The following ACTN2 variants were observed in gnomAD, a reference collection of about 807,000 sequenced individuals.
ACTN2 encodes alpha-actinin-2.
In ACTN2, 39 loss-of-function variants were observed where a neutral mutation model predicts 113.8. That is an observed-to-expected ratio of 0.34 (90% CI 0.27 to 0.45). The LOEUF (loss-of-function observed/expected upper bound fraction) is 0.45. Among genes scored for constraint, ACTN2 ranks in the 20% least tolerant of loss-of-function variants. The pLI, the probability that ACTN2 is intolerant of heterozygous loss-of-function variation, is 1.00. For missense variants in ACTN2, 992 were observed against 1,177.9 expected (o/e 0.84, Z 2.31); for synonymous variants, 429 against 444.1 (o/e 0.97, Z 0.43).
At chr1:236,712,785 G>A (rs7516579) in intron 1 of ACTN2, among the ~76,000 whole-genome samples, 90,028 of 152,044 alleles carry the variant, frequency 0.59, 27,271 homozygotes, top group Non-Finnish European at 0.66. Context: ...TCTGATGCCT[G>A]TATTATGAAG....
At chr1:236,747,579 C>A in intron 12 of ACTN2, 88 bp from the exon 13 acceptor site, 1 of 1,193,118 alleles carries the variant, frequency 8.4e-7, no homozygotes, top group Non-Finnish European at 1.2e-6. Context: ...TGTTTTTAAA[C>A]TTCCCTGTTA....
chr1:236,737,278 G>GA (rs1443305986), intron 9 of ACTN2, 64 bp downstream of exon 9: 3 of 690,506 alleles, frequency 4.3e-6, no homozygotes, highest in Non-Finnish European at 7.2e-6. Context: ...CACAGAGGGT[G>GA]AAAAAATACT....
intron 12 of ACTN2, among the ~76,000 whole-genome samples, chr1:236,745,535 T>C (rs1203216618): frequency 1.3e-5 from 2 of 152,202 alleles, no homozygotes; most frequent in Non-Finnish European, 2.9e-5. Context: ...ATCCCCTAAG[T>C]GCTGTTTCAC....
In ACTN2 at chr1:236,751,663, G is replaced by C; in HGVS notation, c.1839+11G>C. 1 of 1,613,932 alleles carries C rather than the reference G, an allele frequency of 6.2e-7. No homozygotes were observed. On this transcript the variant is annotated intron_variant, in intron 15 of 20. Coordinates refer to ENST00000366578, the MANE Select transcript of ACTN2 (RefSeq NM_001103.4). ...ACCAAGTGGGACAAGGTGGGTGGCTGAGGGCCTGGTGTGGGACCAGGGGGC... is the reference window on the plus strand; with the variant it reads ...ACCAAGTGGGACAAGGTGGGTGGCTCAGGGCCTGGTGTGGGACCAGGGGGC...
intron 17 of ACTN2, 84 bp downstream of exon 17, chr1:236,755,282 C>G (rs1361261751): frequency 2.7e-6 from 4 of 1,502,040 alleles, no homozygotes; most frequent in Non-Finnish European, 3.7e-6. Flanking sequence ...ATGCACTTGT[C>G]TTTCTTTGTT....
At chr1:236,742,486 C>T (rs1269515274) in intron 10 of ACTN2, among the ~76,000 whole-genome samples, 1 of 152,064 alleles carries the variant, frequency 6.6e-6, no homozygotes, top group Non-Finnish European at 1.5e-5. Flanking sequence ...GGGAGGATTG[C>T]CAGAGCCCAA....
At chr1:236,693,659 C>T in intron 1 of ACTN2, among the ~76,000 whole-genome samples, 1 of 152,194 alleles carries the variant, frequency 6.6e-6, no homozygotes, top group East Asian at 1.9e-4. Flanking sequence ...GCCTCTTCCC[C>T]TCCCTGTGTG....
Position 236,761,229 on chromosome 1 carries a change from C to CA in ACTN2, c.2526+62dup, listed in dbSNP as rs1404793296. On this transcript the variant is annotated intron_variant, in intron 20 of 20. Coordinates refer to ENST00000366578, the MANE Select transcript of ACTN2 (RefSeq NM_001103.4). ...GCAGGAGTCCACTACATCCTTCTAA[C>CA]AAAAAAGGCAACAGTGTTGTAAATA... 2.8e-5 allele frequency: 44 copies of CA among 1,596,774 alleles called. No homozygotes were observed. The African/African-American group carries it at 5.6e-4, about 20-fold the overall frequency.
chr1:236,738,657 A>G (rs1442864975), intron 9 of ACTN2, among the ~76,000 whole-genome samples: 1 of 152,226 alleles, frequency 6.6e-6, no homozygotes, highest in Non-Finnish European at 1.5e-5. Context: ...AGTAGGCATA[A>G]GTGTAAATGA....
At chr1:236,719,857 T>G (rs2102896190) in intron 3 of ACTN2, among the ~76,000 whole-genome samples, 1 of 152,256 alleles carries the variant, frequency 6.6e-6, no homozygotes, top group East Asian at 1.9e-4. Context: ...CCCGGGTGGT[T>G]TTCACTGATA....
chr1:236,726,164 A>G, intron 5 of ACTN2, 144 bp downstream of exon 5: 1 of 756,850 alleles, frequency 1.3e-6, no homozygotes. Context: ...AGAATTCTTG[A>G]TGCTTAAAGT....
intron 1 of ACTN2, among the ~76,000 whole-genome samples, chr1:236,693,755 G>A (rs75110346): frequency 6.6e-5 from 10 of 152,132 alleles, no homozygotes; most frequent in East Asian, 5.8e-4. Context: ...GGTCATGCTC[G>A]TCTGCTGGCT....
intron 7 of ACTN2, among the ~76,000 whole-genome samples, chr1:236,734,950 C>T (rs1320822836): frequency 6.6e-6 from 1 of 152,206 alleles, no homozygotes; most frequent in Non-Finnish European, 1.5e-5. Context: ...TGTTTTCTGT[C>T]TTCCTTTTGG....
intron 11 of ACTN2, among the ~76,000 whole-genome samples, chr1:236,743,767 A>G (rs772893785): frequency 3.3e-5 from 5 of 152,178 alleles, no homozygotes; most frequent in Non-Finnish European, 5.9e-5. Flanking sequence ...AGCTGGAGCC[A>G]GGTGGGTTGG....
chr1:236,755,717 C>A (rs867926767), intron 17 of ACTN2, among the ~76,000 whole-genome samples: 102 of 102,906 alleles, frequency 9.9e-4, no homozygotes, highest in Admixed American at 8.8e-4. Context: ...TGTTAGAACC[C>A]TGGTTATAGA....
At chr1:236,717,825 C>A (rs1171458988) in intron 1 of ACTN2, 33 bp from the exon 2 acceptor site, 20 of 1,451,386 alleles carry the variant, frequency 1.4e-5, no homozygotes, top group Non-Finnish European at 1.7e-5. Flanking sequence ...ATCCGATGGA[C>A]CTGTGCTAAA....
At position 236,744,863 on chromosome 1, in the gene ACTN2, A is replaced by G. The variant is rs1227892671; in HGVS notation, c.1406+87A>G. The G allele has an allele frequency of 9.5e-6, 15 of 1,586,124 alleles. No homozygotes were observed. The East Asian group carries it at 1.8e-4, about 19-fold the overall frequency. ...AAGGCCTGCCTTGCCTTTCCTGACTAAACGCAGAGGGAACCACGCTGGAGG... is the reference window on the plus strand; with the variant it reads ...AAGGCCTGCCTTGCCTTTCCTGACTGAACGCAGAGGGAACCACGCTGGAGG... On this transcript the variant is annotated intron_variant, in intron 12 of 20. Transcript: ENST00000366578.
At chr1:236,761,850 A>G (rs1009897456) in intron 20 of ACTN2, among the ~76,000 whole-genome samples, 2 of 152,172 alleles carry the variant, frequency 1.3e-5, no homozygotes, top group Non-Finnish European at 2.9e-5. Context: ...ACAGAGCCAT[A>G]TTTATTACCT....
chr1:236,700,504 A>G (rs1326341318), intron 1 of ACTN2, among the ~76,000 whole-genome samples: 1 of 152,158 alleles, frequency 6.6e-6, no homozygotes, highest in Non-Finnish European at 1.5e-5. Context: ...TAGTACATTT[A>G]CTGTGTGTGA....
Sources: allele counts gnomAD v4.1 joint callset (sites outside exome capture counted in the v4.1 genomes callset), GRCh38; gene constraint gnomAD v4.1.1; transcripts MANE v1.5; gene names NCBI Gene and HGNC (gene_info 2026-07-23, HGNC 2026-07-21).